Variants in ROBO2 observed in about 807,000 individuals in gnomAD.
ROBO2 encodes roundabout homolog 2.
In ROBO2, 53 loss-of-function variants were observed where a neutral mutation model predicts 160.8. That is an observed-to-expected ratio of 0.33 (90% CI 0.26 to 0.41). ROBO2 has a LOEUF of 0.41. Among genes scored for constraint, ROBO2 ranks in the 10% least tolerant of loss-of-function variants. ROBO2 has a pLI of 1.00. For missense variants in ROBO2, 1,577 were observed against 1,722.4 expected, an observed-to-expected ratio of 0.92 and a Z score of 1.49; for synonymous variants, 664 against 611.7, an observed-to-expected ratio of 1.09 and a Z score of -1.26.
chr3:77,477,277 G>A, intron 2 of ROBO2, 137 bp from the exon 3 acceptor site: 2 of 837,464 alleles, frequency 2.4e-6, no homozygotes, highest in Non-Finnish European at 4.2e-6. Flanking sequence ...TTTTAAGGTG[G>A]ATGTAGCTAT....
At chr3:77,186,122 C>T (rs912263496) in intron 2 of ROBO2, among the ~76,000 whole-genome samples, 2 of 151,668 alleles carry the variant, frequency 1.3e-5, no homozygotes, top group Non-Finnish European at 2.9e-5. Flanking sequence ...TCACCATCAC[C>T]GTGAAATAAC....
chr3:76,631,899 ACTCT>A (rs1193481919), intron 2 of ROBO2, among the ~76,000 whole-genome samples: 2 of 152,126 alleles, frequency 1.3e-5, no homozygotes, highest in African/African-American at 4.8e-5. Context: ...AAGAATGTTC[ACTCT>A]CTCTGCAGTA....
At chr3:76,796,823 C>T (rs1018722561) in intron 2 of ROBO2, among the ~76,000 whole-genome samples, 7 of 151,856 alleles carry the variant, frequency 4.6e-5, no homozygotes, top group Non-Finnish European at 1.0e-4. Flanking sequence ...ACAAAATAGA[C>T]TTCAAGATAA....
At chr3:77,313,386 G>T (rs2063711117) in intron 2 of ROBO2, among the ~76,000 whole-genome samples, 1 of 151,992 alleles carries the variant, frequency 6.6e-6, no homozygotes, top group Admixed American at 6.6e-5. Flanking sequence ...ATTCCGTATG[G>T]TCCTTCTAAC....
At chr3:76,393,635 A>G (rs1485609013) in intron 2 of ROBO2, among the ~76,000 whole-genome samples, 2 of 152,154 alleles carry the variant, frequency 1.3e-5, no homozygotes, top group Non-Finnish European at 2.9e-5. Context: ...GAAGGAAGGG[A>G]CACAATAGTT....
chr3:77,503,261 C>A (rs2087896770), intron 5 of ROBO2, among the ~76,000 whole-genome samples: 1 of 151,254 alleles, frequency 6.6e-6, no homozygotes, highest in Non-Finnish European at 1.5e-5. Flanking sequence ...CGCGGTGGCT[C>A]ACGCCTGTAA....
At chr3:76,475,722 A>G (rs2078899718) in intron 2 of ROBO2, among the ~76,000 whole-genome samples, 1 of 152,176 alleles carries the variant, frequency 6.6e-6, no homozygotes, top group African/African-American at 2.4e-5. Context: ...AGTAACCTAA[A>G]TGAGAAAATT....
At chr3:76,877,150 G>T (rs1409327354) in intron 2 of ROBO2, among the ~76,000 whole-genome samples, 1 of 152,088 alleles carries the variant, frequency 6.6e-6, no homozygotes, top group African/African-American at 2.4e-5. Flanking sequence ...TTTTATTAGT[G>T]TTTGAAAGTT....
chr3:76,933,559 A>G (rs1232243589), intron 2 of ROBO2, among the ~76,000 whole-genome samples: 7 of 152,214 alleles, frequency 4.6e-5, no homozygotes, highest in African/African-American at 1.7e-4. Context: ...ATTGATGGAT[A>G]TTTGTGATCT....
intron 2 of ROBO2, among the ~76,000 whole-genome samples, chr3:77,027,956 G>A (rs1287286148): frequency 6.6e-6 from 1 of 152,050 alleles, no homozygotes; most frequent in Non-Finnish European, 1.5e-5. Context: ...GAAGCCCAAC[G>A]ACTATTAAAT....
At chr3:76,451,038 A>G (rs1041133638) in intron 2 of ROBO2, among the ~76,000 whole-genome samples, 1 of 152,108 alleles carries the variant, frequency 6.6e-6, no homozygotes, top group Non-Finnish European at 1.5e-5. Flanking sequence ...TGTTCTCCAC[A>G]TTGCCATTCG....
intron 2 of ROBO2, among the ~76,000 whole-genome samples, chr3:76,527,862 T>C (rs949082384): frequency 4.6e-5 from 7 of 152,082 alleles, no homozygotes; most frequent in Admixed American, 3.9e-4. Context: ...AAAAGAGCCA[T>C]AGAGCTATCT....
intron 2 of ROBO2, among the ~76,000 whole-genome samples, chr3:76,536,589 T>A (rs1388711176): frequency 6.6e-6 from 1 of 152,042 alleles, no homozygotes; most frequent in African/African-American, 2.4e-5. Flanking sequence ...CACCTAGCTA[T>A]ACCTTGGGAG....
At chr3:76,652,711 G>C (rs1037428638) in intron 2 of ROBO2, among the ~76,000 whole-genome samples, 1 of 151,680 alleles carries the variant, frequency 6.6e-6, no homozygotes, top group African/African-American at 2.4e-5. Context: ...CAGATAATTA[G>C]CTGTGTCAGC....
At chr3:76,374,257 G>A (rs2076240034) in intron 2 of ROBO2, among the ~76,000 whole-genome samples, 2 of 151,946 alleles carry the variant, frequency 1.3e-5, no homozygotes, top group South Asian at 4.1e-4. Flanking sequence ...AAGAGACTAA[G>A]CTACAGTGAA....
At chr3:76,093,369 A>G (rs973239689) in intron 2 of ROBO2, among the ~76,000 whole-genome samples, 5 of 151,990 alleles carry the variant, frequency 3.3e-5, no homozygotes, top group Non-Finnish European at 4.4e-5. Flanking sequence ...AGATTTTGGC[A>G]TTGTTTATTC....
intron 2 of ROBO2, among the ~76,000 whole-genome samples, chr3:77,425,704 G>A (rs377013820): frequency 8.1e-5 from 12 of 148,256 alleles, no homozygotes; most frequent in Admixed American, 1.4e-4. Flanking sequence ...TCTCTGTGTC[G>A]CCCAGGCTGG....
In ROBO2 at chr3:77,557,797, A is replaced by G. The variant is rs1385926302; in HGVS notation, c.1232-147A>G. The G allele has an allele frequency of 4.5e-6, 3 of 671,662 alleles. No individual in the cohort carries two copies. The African/African-American group carries it at 5.4e-5, about 12-fold the overall frequency. 41.6% of individuals were successfully genotyped at this position (671,662 alleles called of 1,614,324 possible). On this transcript the variant is annotated intron_variant, in intron 8 of 25. Transcript: ENST00000461745. The stretch of plus-strand genomic sequence containing the variant: ...TAGATATATGATAGATTTAGAATAT[A>G]CATGACCAAGAATATACATATTGCT...
intron 2 of ROBO2, among the ~76,000 whole-genome samples, chr3:75,967,706 G>C (rs1949167083): frequency 6.6e-6 from 1 of 151,222 alleles, no homozygotes; most frequent in African/African-American, 2.4e-5. Context: ...TGTTTTTAAT[G>C]CATAGTTACC....
Sources: gnomAD v4.1 joint callset for allele counts (sites outside exome capture counted in the v4.1 genomes callset) on GRCh38, gnomAD v4.1.1 for gene constraint, MANE v1.5 for transcripts, NCBI Gene and HGNC (gene_info 2026-07-23, HGNC 2026-07-21) for gene names.